TMEM132B: variants seen among roughly 807,000 people sequenced by gnomAD.
TMEM132B encodes the protein transmembrane protein 132B.
A neutral mutation model predicts 90.8 loss-of-function variants in TMEM132B; 18 were observed. That is an observed-to-expected ratio of 0.20 (90% CI 0.14 to 0.29). TMEM132B has a LOEUF of 0.29. Among genes scored for constraint, TMEM132B ranks in the 10% least tolerant of loss-of-function variants. The pLI is 1.00. For missense variants in TMEM132B, 1,096 were observed against 1,326.8 expected, an observed-to-expected ratio of 0.83 and a Z score of 2.70; for synonymous variants, 504 against 523.3, an observed-to-expected ratio of 0.96 and a Z score of 0.50.
chr12:125,504,879 A>C (rs1343191089), intron 3 of TMEM132B, among the ~76,000 whole-genome samples: 2 of 151,922 alleles, frequency 1.3e-5, no homozygotes, highest in African/African-American at 2.4e-5. Context: ...CTGGAAAATG[A>C]GGGGAGAATG....
chr12:125,515,726 A>C (rs1477957362), intron 3 of TMEM132B, among the ~76,000 whole-genome samples: 1 of 151,908 alleles, frequency 6.6e-6, no homozygotes, highest in Admixed American at 6.6e-5. Context: ...ACGTTCTCAC[A>C]CACATTCACA....
At chr12:125,375,547 TCAGATA>T in intron 2 of TMEM132B, among the ~76,000 whole-genome samples, 1 of 152,222 alleles carries the variant, frequency 6.6e-6, no homozygotes, top group Non-Finnish European at 1.5e-5. Context: ...ACATCAGGAT[TCAGATA>T]TGTGATGTCA....
At chr12:125,305,930 C>A (rs1178146836) in intron 1 of TMEM132B, among the ~76,000 whole-genome samples, 1 of 152,290 alleles carries the variant, frequency 6.6e-6, no homozygotes, top group African/African-American at 2.4e-5. Flanking sequence ...TTGTAATGAG[C>A]TTTTTGGGTA....
chr12:125,494,734 G>GC (rs1882487753), intron 3 of TMEM132B, among the ~76,000 whole-genome samples: 1 of 128,802 alleles, frequency 7.8e-6, no homozygotes, highest in Non-Finnish European at 1.6e-5. Context: ...CCTGGAAATG[G>GC]ATGCGTCCCC....
chr12:125,409,458 AG>A (rs921365775), intron 2 of TMEM132B, among the ~76,000 whole-genome samples: 2 of 151,950 alleles, frequency 1.3e-5, no homozygotes, highest in Non-Finnish European at 2.9e-5. Flanking sequence ...GAGCTGATTG[AG>A]GGGGGGCAAC....
chr12:125,352,704 T>C (rs1254296107), intron 2 of TMEM132B, among the ~76,000 whole-genome samples: 2 of 152,270 alleles, frequency 1.3e-5, no homozygotes, highest in African/African-American at 4.8e-5. Flanking sequence ...TAAGTGAACC[T>C]TGCTTTACAG....
At chr12:125,532,294 G>A (rs1037275679) in intron 4 of TMEM132B, among the ~76,000 whole-genome samples, 6 of 152,126 alleles carry the variant, frequency 3.9e-5, no homozygotes, top group Non-Finnish European at 8.8e-5. Flanking sequence ...CAGCGGCAGG[G>A]ATGAGACATG....
chr12:125,471,558 G>T (rs1467520198), intron 3 of TMEM132B, among the ~76,000 whole-genome samples: 2 of 152,198 alleles, frequency 1.3e-5, no homozygotes, highest in African/African-American at 4.8e-5. Context: ...CCTGTCCCCA[G>T]TGGACGTCGG....
At position 125,382,204 on chromosome 12, in the gene TMEM132B, G is replaced by A. The variant is rs114524401; in HGVS notation, c.959+31861G>A. Among the ~76,000 whole-genome samples the A allele has an allele frequency of 8.4e-3, 1,273 of 152,250 alleles. 26 individuals are homozygous for A. The highest frequency in any genetic ancestry group is 0.029 in the African/African-American group (1,215 of 41,550). On this transcript the variant is annotated intron_variant, in intron 2 of 8. Coordinates refer to ENST00000682704, the MANE Select transcript of TMEM132B (RefSeq NM_001366854.1). ...TATGTCAAATATAAATCATTTCCAT[G>A]GTGCACCCAGTATCTCCAGGCTCCT... is the stretch of plus-strand genomic sequence containing the variant.
At chr12:125,222,057 C>G (rs2136074717) in intron 1 of TMEM132B, among the ~76,000 whole-genome samples, 1 of 152,312 alleles carries the variant, frequency 6.6e-6, no homozygotes, top group East Asian at 1.9e-4. Flanking sequence ...AAAATCTTCC[C>G]TTTGAGCCTT....
At chr12:125,519,962 T>C (rs1883266699) in intron 4 of TMEM132B, among the ~76,000 whole-genome samples, 1 of 152,212 alleles carries the variant, frequency 6.6e-6, no homozygotes, top group Non-Finnish European at 1.5e-5. Flanking sequence ...TTGGGAACAG[T>C]GGCTCTATAT....
chr12:125,365,543 C>T (rs1418839954), intron 2 of TMEM132B, among the ~76,000 whole-genome samples: 2 of 152,024 alleles, frequency 1.3e-5, no homozygotes, highest in African/African-American at 2.4e-5. Context: ...GTTGTTATTT[C>T]CCTTCAGCAT....
rs1351453127 is a variant in TMEM132B, at chr12:125,587,230, T to TGC, written c.1437+3237_1437+3238insCG. 175 of 132,084 alleles carry TGC rather than the reference T, an allele frequency of 1.3e-3. 1 individual carries two copies. The highest frequency in any genetic ancestry group is 4.7e-3 in the African/African-American group (171 of 36,106). The allele number at this position is 132,084 out of a possible 1,614,324, so 8.2% of individuals were successfully genotyped here. On this transcript the variant is annotated intron_variant, in intron 5 of 8. Coordinates refer to ENST00000682704, the MANE Select transcript of TMEM132B (RefSeq NM_001366854.1). Reference sequence around the variant, plus strand: ...GATTGTGTGTGTGTGTGTGTGTGTGTGTGCGCACACACACAAGAAGCCTTA... The same window carrying TGC: ...GATTGTGTGTGTGTGTGTGTGTGTGTGCGTGCGCACACACACAAGAAGCCTTA...
chr12:125,329,046 A>G (rs1876683650), intron 1 of TMEM132B, among the ~76,000 whole-genome samples: 1 of 152,102 alleles, frequency 6.6e-6, no homozygotes, highest in Admixed American at 6.5e-5. Flanking sequence ...CTGAAGCCCT[A>G]ATCTCCAATG....
Position 125,498,385 on chromosome 12 carries a change from C to G in TMEM132B, c.1107-21054C>G, listed in dbSNP as rs916402404. On this transcript the variant is annotated intron_variant, in intron 3 of 8. Transcript: ENST00000682704. The surrounding 1 kb of genome is among the most constrained non-coding windows in gnomAD (Gnocchi z 4.5). The stretch of plus-strand genomic sequence containing the variant: ...GGGTGAGGGTGTGGAGAAAATCACA[C>G]ACAGCATCCTTTGCTGCCCCCTTCA... Among the ~76,000 whole-genome samples the G allele has an allele frequency of 6.6e-6, 1 of 152,206 alleles. No individual in the cohort carries two copies. The highest frequency in any genetic ancestry group is 1.5e-5 in the Non-Finnish European group (1 of 68,030).
chr12:125,613,882 T>C (rs188287399), intron 5 of TMEM132B, among the ~76,000 whole-genome samples: 1 of 152,196 alleles, frequency 6.6e-6, no homozygotes, highest in African/African-American at 2.4e-5. Context: ...TTTTATTTGA[T>C]TCTGTGAATC....
chr12:125,409,550 G>A (rs1879626846), intron 2 of TMEM132B, among the ~76,000 whole-genome samples: 1 of 151,896 alleles, frequency 6.6e-6, no homozygotes, highest in Non-Finnish European at 1.5e-5. Context: ...GGGGTGCTTG[G>A]CTGTGGACAG....
intron 1 of TMEM132B, among the ~76,000 whole-genome samples, chr12:125,202,094 A>G (rs181570358): frequency 1.8e-3 from 268 of 152,220 alleles, no homozygotes; most frequent in African/African-American, 5.8e-3. Flanking sequence ...CACACAACCA[A>G]TCAGAACGTC....
At position 125,268,012 on chromosome 12, in the gene TMEM132B, G is replaced by A. The variant is rs566427255; in HGVS notation, c.67+81146G>A. On this transcript the variant is annotated intron_variant, in intron 1 of 8. Transcript: ENST00000682704. ...TGTAATCCCTGTACTTTAGGAGGCT[G>A]AGGCAGGAGGATGGCTTGAGCCCAG... 5.3e-5 allele frequency among the ~76,000 whole-genome samples: 8 copies of A among 152,270 alleles called. 1 individual carries two copies. The South Asian group carries it at 1.7e-3, about 32-fold the overall frequency.
Sources: gnomAD v4.1 joint callset for allele counts (sites outside exome capture counted in the v4.1 genomes callset) on GRCh38, gnomAD v4.1.1 for gene constraint, Gnocchi (gnomAD v3.1) non-coding constraint, MANE v1.5 for transcripts, NCBI Gene and HGNC (gene_info 2026-07-23, HGNC 2026-07-21) for gene names.